The following SEL1L2 variants were observed in gnomAD, a reference collection of about 807,000 sequenced individuals.
SEL1L2 encodes the protein SEL1L2 adaptor subunit of SYVN1 ubiquitin ligase.
In SEL1L2, 89 loss-of-function variants were observed where a neutral mutation model predicts 98.8. The observed-to-expected ratio is 0.90, with a 90% CI of 0.76 to 1.07. The LOEUF (loss-of-function observed/expected upper bound fraction) is 1.07. SEL1L2 is among the 50% of genes least tolerant of loss of function. SEL1L2 has a pLI of 0.00. For missense variants in SEL1L2, 788 were observed against 812.0 expected, an observed-to-expected ratio of 0.97 and a Z score of 0.36; for synonymous variants, 262 against 278.5, an observed-to-expected ratio of 0.94 and a Z score of 0.59.
intron 2 of SEL1L2, among the ~76,000 whole-genome samples, chr20:13,935,822 G>A (rs1457057951): frequency 2.0e-5 from 3 of 152,164 alleles, no homozygotes; most frequent in African/African-American, 7.2e-5. Context: ...ATGGAGTGGG[G>A]AAAAGAGGCC....
intron 5 of SEL1L2, among the ~76,000 whole-genome samples, chr20:13,897,285 C>T (rs1024642831): frequency 1.3e-5 from 2 of 152,126 alleles, no homozygotes; most frequent in African/African-American, 4.8e-5. Context: ...AAAAGTAAGT[C>T]CTGAAACTAT....
chr20:13,871,699 A>T (rs2046202482), intron 12 of SEL1L2, among the ~76,000 whole-genome samples: 1 of 151,810 alleles, frequency 6.6e-6, no homozygotes, highest in Non-Finnish European at 1.5e-5. Context: ...TTTAATAGAG[A>T]TGGGGTTTCA....
chr20:13,919,921 T>A (rs1375661469), intron 3 of SEL1L2, among the ~76,000 whole-genome samples: 1 of 90,720 alleles, frequency 1.1e-5, no homozygotes, highest in Admixed American at 1.2e-4. Flanking sequence ...CGAGACTCCG[T>A]CTCAAAAAAA....
chr20:13,909,854 C>T (rs2048138619), intron 5 of SEL1L2, among the ~76,000 whole-genome samples: 1 of 151,990 alleles, frequency 6.6e-6, no homozygotes, highest in South Asian at 2.1e-4. Flanking sequence ...AGTTCCGTTC[C>T]AGTTACTCAG....
intron 5 of SEL1L2, among the ~76,000 whole-genome samples, chr20:13,891,806 CT>C (rs1262292868): frequency 2.0e-5 from 3 of 151,982 alleles, no homozygotes; most frequent in Non-Finnish European, 4.4e-5. Context: ...ATCACTAGAC[CT>C]GCTTTGAAGG....
intron 3 of SEL1L2, among the ~76,000 whole-genome samples, chr20:13,927,441 T>C (rs2048952820): frequency 6.6e-6 from 1 of 152,200 alleles, no homozygotes; most frequent in Admixed American, 6.5e-5. Flanking sequence ...AAGAGACAAG[T>C]GGCAAAATTC....
chr20:13,967,567 C>A (rs79217152), intron 1 of SEL1L2, among the ~76,000 whole-genome samples: 3,512 of 152,254 alleles, frequency 0.023, 144 homozygotes, highest in African/African-American at 0.077. Flanking sequence ...GAACCTTTCC[C>A]TACTTGCAAG....
Position 13,849,255 on chromosome 20 carries a change from AACAAGGTCTTAGGTGACCAGTTC to A in SEL1L2, c.*207_*229del. 1 of 418,786 alleles carries A rather than the reference AACAAGGTCTTAGGTGACCAGTTC, an allele frequency of 2.4e-6. No individual in the cohort carries two copies. The highest frequency in any genetic ancestry group is 4.3e-6 in the Non-Finnish European group (1 of 232,056). 25.9% of individuals were successfully genotyped at this position (418,786 alleles called of 1,614,324 possible). A position where few individuals can be genotyped will look rare whatever the true frequency, so the allele number is the denominator to read the frequency against. On this transcript the variant is annotated 3_prime_UTR_variant, in exon 20 of 20. Coordinates refer to ENST00000284951, the MANE Select transcript of SEL1L2 (RefSeq NM_025229.2). Reference sequence around the variant, plus strand: ...TAGGTCACCAAGATGACAGATTGGTAACAAGGTCTTAGGTGACCAGTTCCCAGCATCCCGCAAAGGGTTTTCTC... The same window carrying A: ...TAGGTCACCAAGATGACAGATTGGTACCAGCATCCCGCAAAGGGTTTTCTC...
chr20:13,910,379 C>T (rs1440888901), intron 5 of SEL1L2, among the ~76,000 whole-genome samples: 2 of 152,082 alleles, frequency 1.3e-5, no homozygotes, highest in Admixed American at 1.3e-4. Context: ...TCTCTTTTTA[C>T]CCTAAGATAA....
At position 13,886,311 on chromosome 20, in the gene SEL1L2, C is replaced by A. The variant is rs777453589; in HGVS notation, c.877G>T (p.Glu293Ter). 1 of 1,610,554 alleles carries A rather than the reference C, an allele frequency of 6.2e-7. No homozygotes were observed. Among genetic ancestry groups the A allele is most frequent in the South Asian group, 1.1e-5 (1 of 90,256 alleles). ...ACTTGTATCTGAACATCTCCTCTTT[C>A]TGCCAAAAATTTATAGTATTGGTAT... ...DIYQYYKFLAERGDVQIQVSL... is the reference protein window; with the variant it reads ...DIYQYYKFLA Residue 293 changes from glutamate (E) to a stop codon, truncating the protein, a stop_gained, in exon 9 of 20, where the codon GAA becomes TAA. Transcript: ENST00000284951. LOFTEE classifies it high-confidence loss of function.
At chr20:13,900,394 C>T (rs1023248843) in intron 5 of SEL1L2, among the ~76,000 whole-genome samples, 3 of 147,978 alleles carry the variant, frequency 2.0e-5, no homozygotes, top group Non-Finnish European at 4.4e-5. Context: ...GGTCATGTAA[C>T]TCAGGGGCCC....
chr20:13,943,217 T>C (rs1319611490), intron 2 of SEL1L2, among the ~76,000 whole-genome samples: 2 of 152,174 alleles, frequency 1.3e-5, no homozygotes, highest in Non-Finnish European at 2.9e-5. Flanking sequence ...TAAGGGTAAA[T>C]TGTGAAATAC....
intron 5 of SEL1L2, among the ~76,000 whole-genome samples, chr20:13,895,899 G>A (rs2047402544): frequency 6.6e-6 from 1 of 152,218 alleles, no homozygotes; most frequent in Non-Finnish European, 1.5e-5. Context: ...TGGACCAGGT[G>A]TGGTGGCTCA....
At chr20:13,907,264 A>C (rs913948490) in intron 5 of SEL1L2, among the ~76,000 whole-genome samples, 1 of 152,164 alleles carries the variant, frequency 6.6e-6, no homozygotes, top group Non-Finnish European at 1.5e-5. Flanking sequence ...GGGAAAAAAA[A>C]CCAGAAAAGC....
At chr20:13,958,961 C>G (rs1262044608) in intron 1 of SEL1L2, among the ~76,000 whole-genome samples, 1 of 150,846 alleles carries the variant, frequency 6.6e-6, no homozygotes, top group East Asian at 1.9e-4. Context: ...AAGACAAGAG[C>G]CTTGAAGATG....
intron 2 of SEL1L2, among the ~76,000 whole-genome samples, chr20:13,942,578 T>C (rs546776154): frequency 2.6e-5 from 4 of 152,234 alleles, no homozygotes; most frequent in African/African-American, 9.6e-5. Context: ...TAGGTAATAG[T>C]GGAAGAAGGT....
intron 12 of SEL1L2, among the ~76,000 whole-genome samples, chr20:13,870,721 G>A (rs991129067): frequency 6.6e-6 from 1 of 152,006 alleles, no homozygotes; most frequent in Non-Finnish European, 1.5e-5. Context: ...TCAGGAGTTC[G>A]AGACCATCCT....
intron 5 of SEL1L2, among the ~76,000 whole-genome samples, chr20:13,905,527 A>T (rs544442896): frequency 2.6e-5 from 4 of 151,734 alleles, no homozygotes; most frequent in Non-Finnish European, 4.4e-5. Context: ...TGTTAGCCAG[A>T]ATGGTCTCGA....
intron 15 of SEL1L2, among the ~76,000 whole-genome samples, chr20:13,865,726 T>C (rs1005321072): frequency 6.6e-6 from 1 of 152,242 alleles, no homozygotes; most frequent in Non-Finnish European, 1.5e-5. Flanking sequence ...TGTTTTGTTT[T>C]TGTCTTGAGG....
Sources: gnomAD v4.1 joint callset for allele counts (sites outside exome capture counted in the v4.1 genomes callset) on GRCh38, gnomAD v4.1.1 for gene constraint, MANE v1.5 for transcripts, NCBI Gene and HGNC (gene_info 2026-07-23, HGNC 2026-07-21) for gene names.